The following STX1A variants were observed in gnomAD, a reference collection of about 807,000 sequenced individuals.
STX1A encodes syntaxin-1A.
In STX1A, 4 loss-of-function variants were observed where a neutral mutation model predicts 37.8. The ratio of observed to expected loss-of-function variants is 0.11; its 90% CI spans 0.05 to 0.24. The LOEUF is 0.24. STX1A is among the 10% of genes least tolerant of loss of function. The probability of loss-of-function intolerance (pLI) is 1.00; values close to 1 mark genes in which losing one functional copy is unlikely to be tolerated. For missense variants in STX1A, 251 were observed against 399.9 expected, an observed-to-expected ratio of 0.63 and a Z score of 3.18; for synonymous variants, 135 against 147.4, an observed-to-expected ratio of 0.92 and a Z score of 0.61.
chr7:73,713,421 C>T (rs190586039), intron 1 of STX1A, among the ~76,000 whole-genome samples: 1 of 152,304 alleles, frequency 6.6e-6, no homozygotes, highest in Non-Finnish European at 1.5e-5. Context: ...TTGGGCTGGC[C>T]AGGGCGGGCA....
At position 73,704,406 on chromosome 7, in the gene STX1A, C is replaced by G. The variant is rs782657148; in HGVS notation, c.301G>C (p.Glu101Gln). 1.2e-6 allele frequency: 2 copies of G among 1,614,180 alleles called. No individual in the cohort carries two copies. Among genetic ancestry groups the G allele is most frequent in the East Asian group, 2.2e-5 (1 of 44,886 alleles). Reference protein sequence around the residue: ...SKLKSIEQSIEQEEGLNRSSA... With the variant: ...SKLKSIEQSIQQEEGLNRSSA... ...GAGCGGTTCAGGCCTTCCTCTTGCT[C>G]GATGGACTGCTCGATGCCTGGGGGC... Residue 101 changes from glutamate to glutamine, a missense_variant, in exon 5 of 10, where the codon GAG becomes CAG. Glu to Gln is a conservative substitution (Grantham distance 29). Transcript: ENST00000222812.
chr7:73,704,673 G>A (rs1324237443), intron 4 of STX1A: 2 of 573,164 alleles, frequency 3.5e-6, no homozygotes, highest in South Asian at 2.0e-5. Context: ...AGGTCTGGTA[G>A]CTCCGGCCAC....
At position 73,717,594 on chromosome 7, in the gene STX1A, C is replaced by G. The variant is rs1307924375; in HGVS notation, c.30+2008G>C. 6.6e-6 allele frequency among the ~76,000 whole-genome samples: 1 copy of G among 152,206 alleles called. No individual in the cohort carries two copies. The highest frequency in any genetic ancestry group is 2.1e-4 in the South Asian group (1 of 4,814). On this transcript the variant is annotated intron_variant, in intron 1 of 9. Transcript: ENST00000222812. The surrounding 1 kb of genome is among the most constrained non-coding windows in gnomAD (Gnocchi z 4.1). ...CCCCGGGTGGGCTCCTGCCTGCCAG[C>G]CGTCCACCTGTCTGCTAGAAAGCCC...
intron 1 of STX1A, among the ~76,000 whole-genome samples, chr7:73,716,030 C>G (rs1278607163): frequency 6.6e-6 from 1 of 152,232 alleles, no homozygotes; most frequent in East Asian, 1.9e-4. Flanking sequence ...GCTCTGCCCC[C>G]ACAGGCTGCA....
Position 73,704,341 on chromosome 7 carries a change from TG to T in STX1A, c.357+8del, listed in dbSNP as rs781790212. The T allele has an allele frequency of 1.2e-6, 2 of 1,614,140 alleles. No individual in the cohort carries two copies. The highest frequency in any genetic ancestry group is 3.3e-5 in the Admixed American group (2 of 60,024). ...AGGTGCCCGCCCATCCTAGACTCCG[TG>T]GCCGCACCTGTGTCTTCCGGATCCT... On this transcript the variant is annotated splice_region_variant and intron_variant, in intron 5 of 9. Transcript: ENST00000222812.
rs542810541 is a variant in STX1A, at chr7:73,702,332, C to T, written c.678+513G>A. On this transcript the variant is annotated intron_variant, in intron 8 of 9. Coordinates refer to ENST00000222812, the MANE Select transcript of STX1A (RefSeq NM_004603.4). The surrounding 1 kb of genome is among the most constrained non-coding windows in gnomAD (Gnocchi z 4.7). Reference sequence around the variant, plus strand: ...GTGGTGGCACCACCTTTGAGCTTGTCAGAGAGGCACCTTCCTGGACCTTCA... The same window carrying T: ...GTGGTGGCACCACCTTTGAGCTTGTTAGAGAGGCACCTTCCTGGACCTTCA... Among the ~76,000 whole-genome samples the T allele has an allele frequency of 2.2e-4, 34 of 152,176 alleles. No homozygotes were observed. Among genetic ancestry groups the T allele is most frequent in the Non-Finnish European group, 4.6e-4 (31 of 68,032 alleles).
intron 1 of STX1A, among the ~76,000 whole-genome samples, chr7:73,712,477 C>CA (rs1799139326): frequency 1.3e-5 from 2 of 152,038 alleles, no homozygotes; most frequent in African/African-American, 4.8e-5. Flanking sequence ...CCTGCCCCCC[C>CA]AAATCAGTAT....
At position 73,705,664 on chromosome 7, in the gene STX1A, A is replaced by G. The variant is rs1798843343; in HGVS notation, c.209-440T>C. The G allele has an allele frequency of 5.1e-6, 1 of 196,628 alleles. No homozygotes were observed. The highest frequency in any genetic ancestry group is 1.0e-5 in the Non-Finnish European group (1 of 98,242). The allele number at this position is 196,628 out of a possible 1,614,324, so 12.2% of individuals were successfully genotyped here. A position where few individuals can be genotyped will look rare whatever the true frequency, so the allele number is the denominator to read the frequency against. On this transcript the variant is annotated intron_variant, in intron 3 of 9. Coordinates refer to ENST00000222812, the MANE Select transcript of STX1A (RefSeq NM_004603.4). The surrounding 1 kb of genome is among the most constrained non-coding windows in gnomAD (Gnocchi z 5.2). ...GTACGCAGCCAGGCAGGGGGTTGAC[A>G]GGGGACCACCCCACACTCCCTGAGT...
chr7:73,704,186 T>C lies in STX1A; in HGVS notation c.428A>G (p.Glu143Gly). ...EYNATQSDYR[E>G]RCKGRIQRQL... The stretch of plus-strand genomic sequence containing the variant: ...CCTCTGGATGCGGCCTTTGCAGCGC[T>C]CGCGGTAGTCGGACTGCGTGGCGTT... The change falls in exon 6 of 10, where the codon GAG (glutamate) becomes GGG (glycine). Residue 143 changes from glutamate to glycine, a missense_variant. Coordinates refer to ENST00000222812, the MANE Select transcript of STX1A (RefSeq NM_004603.4). 6.2e-7 allele frequency: 1 copy of C among 1,611,060 alleles called. No individual in the cohort carries two copies. The highest frequency in any genetic ancestry group is 8.5e-7 in the Non-Finnish European group (1 of 1,179,134).
Position 73,705,086 on chromosome 7 carries a change from T to G in STX1A, c.283+64A>C. The G allele has an allele frequency of 6.6e-7, 1 of 1,516,024 alleles. No individual in the cohort carries two copies. The highest frequency in any genetic ancestry group is 1.4e-5 in the African/African-American group (1 of 73,070). The allele number at this position is 1,516,024 out of a possible 1,614,324, so 93.9% of individuals were successfully genotyped here. On this transcript the variant is annotated intron_variant, in intron 4 of 9. Coordinates refer to ENST00000222812, the MANE Select transcript of STX1A (RefSeq NM_004603.4). The surrounding 1 kb of genome is among the most constrained non-coding windows in gnomAD (Gnocchi z 5.2). ...CCCCCTCAGGGCGAGCAAAACCCCA[T>G]GGGCTCCGCAGAGGAAGCAGGCCTA...
intron 1 of STX1A, among the ~76,000 whole-genome samples, chr7:73,711,745 G>T (rs1554617998): frequency 6.6e-6 from 1 of 152,090 alleles, no homozygotes; most frequent in Non-Finnish European, 1.5e-5. Flanking sequence ...GAGGATCAGG[G>T]TAGATGACAA....
intron 3 of STX1A, among the ~76,000 whole-genome samples, chr7:73,708,262 C>CAAAAA (rs1157786155): frequency 4.0e-5 from 2 of 49,780 alleles, no homozygotes; most frequent in Non-Finnish European, 8.3e-5. Flanking sequence ...GACTCCATCT[C>CAAAAA]AAAAAAAAAA....
rs1201728189 is a variant in STX1A at position 73,708,813 on chromosome 7, TGGGGTGCAGTG to T, written c.109-136_109-126del. 98 of 1,012,570 alleles carry T rather than the reference TGGGGTGCAGTG, an allele frequency of 9.7e-5. 1 individual carries two copies. Among genetic ancestry groups the T allele is most frequent in the South Asian group, 1.6e-4 (11 of 68,338 alleles). The allele number at this position is 1,012,570 out of a possible 1,614,324, so 62.7% of individuals were successfully genotyped here. A position where few individuals can be genotyped will look rare whatever the true frequency, so the allele number is the denominator to read the frequency against. ...GGAGGACGGGCCAGGCTCCGGGTGC[TGGGGTGCAGTG>T]GGGGTGCATCCTTCCAGACCCAGAT... On this transcript the variant is annotated intron_variant, in intron 2 of 9. Coordinates refer to ENST00000222812, the MANE Select transcript of STX1A (RefSeq NM_004603.4).
In STX1A at chr7:73,705,267, C is replaced by T. The variant is rs782617738; in HGVS notation, c.209-43G>A. The T allele has an allele frequency of 5.8e-6, 9 of 1,547,106 alleles. No homozygotes were observed. The highest frequency in any genetic ancestry group is 2.2e-5 in the East Asian group (1 of 44,552). ...GTGGGGGTAGGCCTCCTAGGCTCCGCGGGGACTGATGTGCAGGCTCAGCCT... is the reference window on the plus strand; with the variant it reads ...GTGGGGGTAGGCCTCCTAGGCTCCGTGGGGACTGATGTGCAGGCTCAGCCT... On this transcript the variant is annotated intron_variant, in intron 3 of 9. Transcript: ENST00000222812. The surrounding 1 kb of genome is among the most constrained non-coding windows in gnomAD (Gnocchi z 5.2).
At position 73,705,164 on chromosome 7, in the gene STX1A, C is replaced by T. The variant is rs944672566; in HGVS notation, c.269G>A (p.Arg90His). ...SDIKKTANKV[R>H]SKLKSIEQSI... ...GCCTGACTCACTCTTTAACTTGGAA[C>T]GAACTTTGTTTGCTGTCTTCTTTAT... Residue 90 changes from arginine to histidine, a missense_variant, in exon 4 of 10, where the codon CGT becomes CAT. By Grantham distance (29) the Arg-to-His change is conservative. Coordinates refer to ENST00000222812, the MANE Select transcript of STX1A (RefSeq NM_004603.4). The surrounding 1 kb of genome is among the most constrained non-coding windows in gnomAD (Gnocchi z 5.2). 2 of 1,613,472 alleles carry T rather than the reference C, an allele frequency of 1.2e-6. No individual in the cohort carries two copies. The highest frequency in any genetic ancestry group is 1.7e-6 in the Non-Finnish European group (2 of 1,179,542).
At position 73,708,586 on chromosome 7, in the gene STX1A, C is replaced by G. The variant is rs782541894; in HGVS notation, c.208+3G>C. 4 of 1,613,314 alleles carry G rather than the reference C, an allele frequency of 2.5e-6. No individual in the cohort carries two copies. Among genetic ancestry groups the G allele is most frequent in the Admixed American group, 1.7e-5 (1 of 59,964 alleles). On this transcript the variant is annotated splice_donor_region_variant and intron_variant, in intron 3 of 9. Coordinates refer to ENST00000222812, the MANE Select transcript of STX1A (RefSeq NM_004603.4). ...AAACCCGTCCCCCGCCCCACACACT[C>G]ACTCTCATCGGGGTTGGGGGATGCC... is the stretch of plus-strand genomic sequence containing the variant.
At position 73,703,848 on chromosome 7, in the gene STX1A, C is replaced by A; in HGVS notation, c.467-20G>T. ...TGCCGGCTGCAAGCGAGTGGGGTCA[C>A]ACTGAGCCCAGCCCTCTTCGGGGAG... On this transcript the variant is annotated intron_variant, in intron 6 of 9. Transcript: ENST00000222812. The A allele has an allele frequency of 6.2e-7, 1 of 1,610,634 alleles. No individual in the cohort carries two copies.
intron 3 of STX1A, among the ~76,000 whole-genome samples, chr7:73,707,460 G>A (rs1007248480): frequency 1.3e-5 from 2 of 152,166 alleles, no homozygotes; most frequent in Non-Finnish European, 2.9e-5. Flanking sequence ...CAGCGCTGAC[G>A]ACTTAGAGCT....
chr7:73,701,604 G>GC (rs1281593666), intron 8 of STX1A, among the ~76,000 whole-genome samples: 1 of 151,646 alleles, frequency 6.6e-6, no homozygotes, highest in Non-Finnish European at 1.5e-5. Context: ...GTCCCATGCT[G>GC]CCCCCAGAGG....
Sources: gnomAD v4.1 joint callset for allele counts (sites outside exome capture counted in the v4.1 genomes callset) on GRCh38, gnomAD v4.1.1 for gene constraint, Gnocchi (gnomAD v3.1) non-coding constraint, MANE v1.5 for transcripts, NCBI Gene and HGNC (gene_info 2026-07-23, HGNC 2026-07-21) for gene names.